The following SNX9 variants were observed in gnomAD, a reference collection of about 807,000 sequenced individuals.
SNX9 encodes the protein sorting nexin-9.
In SNX9, 44 loss-of-function variants were observed where a neutral mutation model predicts 89.4. The observed-to-expected ratio is 0.49, with a 90% confidence interval of 0.39 to 0.63. The LOEUF is 0.63. Among genes scored for constraint, SNX9 ranks in the 30% least tolerant of loss-of-function variants. SNX9 has a pLI of 0.00. For synonymous variants in SNX9, 236 were observed against 247.8 expected, an observed-to-expected ratio of 0.95 and a Z score of 0.45; for missense variants, 578 against 736.1, an observed-to-expected ratio of 0.79 and a Z score of 2.49.
At chr6:157,824,607 T>A (rs1328937454) in intron 1 of SNX9, among the ~76,000 whole-genome samples, 1 of 152,232 alleles carries the variant, frequency 6.6e-6, no homozygotes, top group Non-Finnish European at 1.5e-5. Flanking sequence ...TCAGCATTGC[T>A]TGACTTCGGT....
chr6:157,834,190 C>T (rs1262572043), intron 1 of SNX9, among the ~76,000 whole-genome samples: 3 of 52,226 alleles, frequency 5.7e-5, no homozygotes, highest in African/African-American at 1.8e-4. Flanking sequence ...TTTTTTGAGT[C>T]AGGGTCTCTC....
intron 9 of SNX9, among the ~76,000 whole-genome samples, chr6:157,920,888 A>T (rs1183559236): frequency 6.6e-6 from 1 of 152,240 alleles, no homozygotes; most frequent in Non-Finnish European, 1.5e-5. Context: ...TAGTAGAGTC[A>T]CAAGTTCCAG....
intron 1 of SNX9, among the ~76,000 whole-genome samples, chr6:157,835,517 A>G (rs1047767545): frequency 2.0e-5 from 3 of 151,002 alleles, no homozygotes. Context: ...CACTGAAGCA[A>G]TCCTCCTGCC....
rs940501278 is a variant in SNX9 at position 157,823,761 on chromosome 6, G to T, written c.12+315G>T. On this transcript the variant is annotated intron_variant, in intron 1 of 17. Transcript: ENST00000392185. This position sits in a 1 kb window ranked among gnomAD's most constrained non-coding sequence, Gnocchi z 4.6. Reference sequence around the variant, plus strand: ...GGCTGCGGCGGGCTCGCCGGGAGGGGCCGCGGGACGGAAACTTCCCGCAGC... The same window carrying T: ...GGCTGCGGCGGGCTCGCCGGGAGGGTCCGCGGGACGGAAACTTCCCGCAGC... 1.3e-5 allele frequency among the ~76,000 whole-genome samples: 2 copies of T among 152,084 alleles called. No individual in the cohort carries two copies. Among genetic ancestry groups the T allele is most frequent in the African/African-American group, 4.8e-5 (2 of 41,522 alleles).
chr6:157,846,229 GT>G (rs1336422669), intron 1 of SNX9, among the ~76,000 whole-genome samples: 1 of 152,162 alleles, frequency 6.6e-6, no homozygotes, highest in East Asian at 1.9e-4. Flanking sequence ...TAAACTTTAA[GT>G]TAGCTCTTCA....
intron 1 of SNX9, among the ~76,000 whole-genome samples, chr6:157,845,166 T>C (rs905832331): frequency 6.7e-6 from 1 of 149,648 alleles, no homozygotes; most frequent in Non-Finnish European, 1.5e-5. Flanking sequence ...TGGAGTGCAA[T>C]GGTATGACCT....
Position 157,870,210 on chromosome 6 carries a change from TCA to T in SNX9, c.99+2582_99+2583del, listed in dbSNP as rs555465206. On this transcript the variant is annotated intron_variant, in intron 2 of 17. Coordinates refer to ENST00000392185, the MANE Select transcript of SNX9 (RefSeq NM_016224.5). ...TGCTCTCACACATACACATATGCAC[TCA>T]CACATGCAAGCACACACATCCCCTC... 1.2e-4 allele frequency among the ~76,000 whole-genome samples: 17 copies of T among 147,364 alleles called. No homozygotes were observed. In the South Asian group the frequency reaches 3.5e-3, roughly 30 times the overall value.
intron 1 of SNX9, among the ~76,000 whole-genome samples, chr6:157,840,914 G>C (rs552395041): frequency 6.6e-6 from 1 of 152,126 alleles, no homozygotes; most frequent in South Asian, 2.1e-4. Context: ...CTGTTCACTC[G>C]ACTGGTGGCC....
chr6:157,917,339 G>A (rs1276717934), intron 9 of SNX9, among the ~76,000 whole-genome samples: 2 of 151,474 alleles, frequency 1.3e-5, no homozygotes, highest in Non-Finnish European at 2.9e-5. Flanking sequence ...CTTGGTTTGG[G>A]TTTGATTTAT....
intron 1 of SNX9, among the ~76,000 whole-genome samples, chr6:157,840,414 T>TCTTTC (rs1781676140): frequency 1.5e-5 from 2 of 134,798 alleles, no homozygotes; most frequent in African/African-American, 3.7e-5. Flanking sequence ...ATACTTTCTT[T>TCTTTC]CTTTCTTTTC....
chr6:157,897,665 C>T (rs536211392), intron 5 of SNX9, among the ~76,000 whole-genome samples: 3 of 152,228 alleles, frequency 2.0e-5, no homozygotes, highest in Admixed American at 2.0e-4. Flanking sequence ...CCACCGCCCA[C>T]CGCCACACCC....
intron 4 of SNX9, among the ~76,000 whole-genome samples, chr6:157,876,631 T>C (rs891251774): frequency 6.6e-6 from 1 of 152,284 alleles, no homozygotes; most frequent in Non-Finnish European, 1.5e-5. Context: ...AATTCTCTTC[T>C]GTATTTTATT....
rs148180670 is a variant in SNX9 at position 157,845,819 on chromosome 6, G to A, written c.13-21728G>A. On this transcript the variant is annotated intron_variant, in intron 1 of 17. Coordinates refer to ENST00000392185, the MANE Select transcript of SNX9 (RefSeq NM_016224.5). Reference sequence around the variant, plus strand: ...GGTTGGAGTATGGTTCTTGTGAACTGAATATTGGACTTTGAAAAGAATTGA... The same window carrying A: ...GGTTGGAGTATGGTTCTTGTGAACTAAATATTGGACTTTGAAAAGAATTGA... 2.2e-4 allele frequency among the ~76,000 whole-genome samples: 33 copies of A among 152,282 alleles called. 1 individual carries two copies. In the East Asian group the frequency reaches 6.4e-3, roughly 29 times the overall value.
At position 157,823,471 on chromosome 6, in the gene SNX9, G is replaced by T. The variant is rs1355506193; in HGVS notation, c.12+25G>T. On this transcript the variant is annotated intron_variant, in intron 1 of 17. Transcript: ENST00000392185. This position sits in a 1 kb window ranked among gnomAD's most constrained non-coding sequence, Gnocchi z 4.6. ...GGTGAGGGGCGCGCGGCGCAGGCCG[G>T]GCCGGTCGCTCAGGCCCGGGGCGGC... The T allele has an allele frequency of 1.7e-6, 2 of 1,193,372 alleles. No homozygotes were observed. Among genetic ancestry groups the T allele is most frequent in the East Asian group, 7.6e-5 (2 of 26,478 alleles). 73.9% of individuals were successfully genotyped at this position (1,193,372 alleles called of 1,614,324 possible). A position where few individuals can be genotyped will look rare whatever the true frequency, so the allele number is the denominator to read the frequency against.
intron 9 of SNX9, among the ~76,000 whole-genome samples, chr6:157,920,487 A>G (rs940098453): frequency 5.3e-5 from 8 of 152,170 alleles, no homozygotes; most frequent in African/African-American, 1.9e-4. Flanking sequence ...ACCATGTCGA[A>G]CACGTGGGGT....
intron 1 of SNX9, 102 bp from the exon 2 acceptor site, chr6:157,867,445 A>T: frequency 1.2e-6 from 1 of 864,336 alleles, no homozygotes; most frequent in Non-Finnish European, 1.8e-6. Context: ...AGCCACTATC[A>T]TGTTTGTACC....
Position 157,853,861 on chromosome 6 carries a change from TGG to T in SNX9, c.13-13684_13-13683del, listed in dbSNP as rs1188864065. 2.0e-5 allele frequency among the ~76,000 whole-genome samples: 3 copies of T among 152,186 alleles called. No individual in the cohort carries two copies. In the East Asian group the frequency reaches 5.8e-4, roughly 29 times the overall value. On this transcript the variant is annotated intron_variant, in intron 1 of 17. Transcript: ENST00000392185. The stretch of plus-strand genomic sequence containing the variant: ...GCCATATGTGCCGGTCCCTATTCTA[TGG>T]GCTTTATTTTTATTACTTCATTTCT...
At chr6:157,875,229 G>C (rs11966404) in intron 4 of SNX9, 53 bp downstream of exon 4, 3 of 1,567,486 alleles carry the variant, frequency 1.9e-6, no homozygotes, top group Middle Eastern at 1.8e-4. Flanking sequence ...AAAACAGAGC[G>C]TATTTGTGAA....
chr6:157,883,279 G>A (rs1048420992), intron 4 of SNX9, among the ~76,000 whole-genome samples: 2 of 152,154 alleles, frequency 1.3e-5, no homozygotes, highest in African/African-American at 4.8e-5. Flanking sequence ...AACCATAACT[G>A]TTATGTACAC....
Sources: allele counts gnomAD v4.1 joint callset (sites outside exome capture counted in the v4.1 genomes callset), GRCh38; gene constraint gnomAD v4.1.1; non-coding constraint Gnocchi (gnomAD v3.1); transcripts MANE v1.5; gene names NCBI Gene and HGNC (gene_info 2026-07-23, HGNC 2026-07-21).